The following MNAT1 variants were observed in gnomAD, a reference collection of about 807,000 sequenced individuals.
MNAT1 encodes MNAT1 component of CDK activating kinase.
In MNAT1, 43 loss-of-function variants were observed where a neutral mutation model predicts 42.0. That is an observed-to-expected ratio of 1.02 (90% CI 0.80 to 1.32). The LOEUF (loss-of-function observed/expected upper bound fraction) is 1.32. Ranked by LOEUF, MNAT1 falls within the 40% of genes most tolerant of loss-of-function variation. MNAT1 has a pLI of 0.00. For synonymous variants in MNAT1, 118 were observed against 120.0 expected, an observed-to-expected ratio of 0.98 and a Z score of 0.11; for missense variants, 306 against 350.4, an observed-to-expected ratio of 0.87 and a Z score of 1.01.
intron 6 of MNAT1, among the ~76,000 whole-genome samples, chr14:60,847,740 G>A (rs2033716418): frequency 6.6e-6 from 1 of 151,564 alleles, no homozygotes; most frequent in Non-Finnish European, 1.5e-5. Context: ...TTTTATATTG[G>A]TTGACCTAGG....
intron 1 of MNAT1, among the ~76,000 whole-genome samples, chr14:60,758,941 G>A (rs1287412398): frequency 6.6e-6 from 1 of 152,072 alleles, no homozygotes; most frequent in African/African-American, 2.4e-5. Context: ...TAAAATTGAT[G>A]TTTTAGGAAG....
chr14:60,903,171 CAATG>C (rs1168430460), intron 7 of MNAT1, among the ~76,000 whole-genome samples: 4 of 151,546 alleles, frequency 2.6e-5, no homozygotes, highest in African/African-American at 7.3e-5. Flanking sequence ...TTCTAAATCA[CAATG>C]AAGGAATTGC....
At chr14:60,853,540 T>G (rs2033879708) in intron 6 of MNAT1, among the ~76,000 whole-genome samples, 1 of 152,182 alleles carries the variant, frequency 6.6e-6, no homozygotes, top group Non-Finnish European at 1.5e-5. Context: ...TCTTTATTTC[T>G]TTCTCTTGCC....
intron 6 of MNAT1, among the ~76,000 whole-genome samples, chr14:60,827,983 G>A (rs1024581543): frequency 2.6e-5 from 4 of 152,044 alleles, no homozygotes; most frequent in African/African-American, 9.7e-5. Flanking sequence ...AGAAAATGGA[G>A]GTTCTTAAAA....
chr14:60,808,948 T>G (rs4151223), intron 4 of MNAT1: 33,498 of 152,070 alleles, frequency 0.22, 4,527 homozygotes, highest in Middle Eastern at 0.32. Context: ...ACCTTTTTTG[T>G]TTTACCGAAA....
chr14:60,800,833 C>A (rs756074443), intron 3 of MNAT1, among the ~76,000 whole-genome samples: 1 of 151,990 alleles, frequency 6.6e-6, no homozygotes, highest in East Asian at 1.9e-4. Flanking sequence ...TGGGAAGTAA[C>A]CTCTTGGATT....
At chr14:60,779,474 CA>C (rs2031368646) in intron 1 of MNAT1, among the ~76,000 whole-genome samples, 2 of 152,088 alleles carry the variant, frequency 1.3e-5, no homozygotes, top group South Asian at 4.1e-4. Flanking sequence ...CCCGTGGAAA[CA>C]AAATAAGTAG....
intron 7 of MNAT1, among the ~76,000 whole-genome samples, chr14:60,900,867 G>A (rs1231430046): frequency 6.6e-6 from 1 of 151,674 alleles, no homozygotes; most frequent in Non-Finnish European, 1.5e-5. Context: ...ATGGTGATGG[G>A]AGGTAGCTAC....
At chr14:60,784,130 A>G (rs920770899) in intron 1 of MNAT1, among the ~76,000 whole-genome samples, 1 of 145,074 alleles carries the variant, frequency 6.9e-6, no homozygotes, top group Admixed American at 7.0e-5. Context: ...CTCCTGCCTC[A>G]GCCTCCCTAG....
intron 6 of MNAT1, among the ~76,000 whole-genome samples, chr14:60,860,631 C>T (rs950855396): frequency 6.6e-6 from 1 of 152,026 alleles, no homozygotes; most frequent in Admixed American, 6.6e-5. Flanking sequence ...GGATTACAGG[C>T]GTGAGCCACC....
chr14:60,876,520 A>G (rs2034439440), intron 6 of MNAT1, among the ~76,000 whole-genome samples: 1 of 152,028 alleles, frequency 6.6e-6, no homozygotes, highest in Admixed American at 6.6e-5. Context: ...ACCACCGTTC[A>G]TTTCCAAAAA....
chr14:60,870,302 C>G (rs1365918438), intron 6 of MNAT1, among the ~76,000 whole-genome samples: 1 of 152,118 alleles, frequency 6.6e-6, no homozygotes, highest in Non-Finnish European at 1.5e-5. Flanking sequence ...ATTATATATA[C>G]TACTGAATGT....
At chr14:60,849,829 T>TTA (rs1250843341) in intron 6 of MNAT1, among the ~76,000 whole-genome samples, 2 of 152,038 alleles carry the variant, frequency 1.3e-5, no homozygotes, top group African/African-American at 2.4e-5. Context: ...TTGTGTATCC[T>TTA]TAGTTTCTTT....
chr14:60,964,175 AT>A (rs1374063633), intron 7 of MNAT1, among the ~76,000 whole-genome samples: 5 of 152,238 alleles, frequency 3.3e-5, no homozygotes, highest in African/African-American at 1.2e-4. Context: ...AAGCTGCAAA[AT>A]ATAACACAAG....
At chr14:60,780,344 GC>G in intron 1 of MNAT1, 1 of 1,571,624 alleles carries the variant, frequency 6.4e-7, no homozygotes, top group South Asian at 1.1e-5. Flanking sequence ...GTCTCAGAAA[GC>G]TATTCAGGAT....
intron 1 of MNAT1, among the ~76,000 whole-genome samples, chr14:60,762,142 C>T (rs989736444): frequency 2.6e-5 from 4 of 152,062 alleles, no homozygotes; most frequent in Non-Finnish European, 4.4e-5. Flanking sequence ...CAGCAAATTG[C>T]TGCTTTGATT....
At chr14:60,942,836 A>T (rs1394533604) in intron 7 of MNAT1, among the ~76,000 whole-genome samples, 1 of 152,144 alleles carries the variant, frequency 6.6e-6, no homozygotes, top group Non-Finnish European at 1.5e-5. Flanking sequence ...ATTATTCATT[A>T]CTACTGCAAA....
At chr14:60,779,433 A>G (rs780819607) in intron 1 of MNAT1, among the ~76,000 whole-genome samples, 2 of 152,162 alleles carry the variant, frequency 1.3e-5, no homozygotes, top group Non-Finnish European at 2.9e-5. Flanking sequence ...CAGCATTGGG[A>G]CTATAGTTTG....
chr14:60,838,583 C>T (rs1248461768), intron 6 of MNAT1, among the ~76,000 whole-genome samples: 1 of 152,118 alleles, frequency 6.6e-6, no homozygotes, highest in Non-Finnish European at 1.5e-5. Context: ...GCAAAGACAC[C>T]AGCTGCAGTG....
Sources: gnomAD v4.1 joint callset for allele counts (sites outside exome capture counted in the v4.1 genomes callset) on GRCh38, gnomAD v4.1.1 for gene constraint, MANE v1.5 for transcripts, NCBI Gene and HGNC (gene_info 2026-07-23, HGNC 2026-07-21) for gene names.